The following FBN2 variants were observed in gnomAD, a reference collection of about 807,000 sequenced individuals.
FBN2 encodes the protein fibrillin 2, also known as fibrillin-2.
Under a neutral mutation model 355.6 loss-of-function variants are expected in FBN2, and 105 were observed. The ratio of observed to expected loss-of-function variants is 0.30; its 90% confidence interval spans 0.25 to 0.35. FBN2 has a LOEUF of 0.35. Ranked by LOEUF, FBN2 falls within the 10% of genes least tolerant of loss-of-function variation. FBN2 has a pLI of 1.00. For synonymous variants in FBN2, 1,350 were observed against 1,301.2 expected, an observed-to-expected ratio of 1.04 and a Z score of -0.81; for missense variants, 3,280 against 3,758.7, an observed-to-expected ratio of 0.87 and a Z score of 3.33.
chr5:128,423,070 G>T (rs1415736748), intron 7 of FBN2, among the ~76,000 whole-genome samples: 1 of 152,120 alleles, frequency 6.6e-6, no homozygotes. Flanking sequence ...AATATGGTGA[G>T]ATAAATTCTA....
chr5:128,531,720 G>GTA (rs1220360480), intron 2 of FBN2, among the ~76,000 whole-genome samples: 2,373 of 143,112 alleles, frequency 0.017, 52 homozygotes, highest in African/African-American at 0.05. Flanking sequence ...ATATGTATGT[G>GTA]TGTATATATA....
intron 34 of FBN2, among the ~76,000 whole-genome samples, chr5:128,322,908 G>T (rs1332300758): frequency 6.6e-6 from 1 of 152,150 alleles, no homozygotes; most frequent in Non-Finnish European, 1.5e-5. Context: ...CATGAGCATG[G>T]AATGTTTTTC....
intron 7 of FBN2, among the ~76,000 whole-genome samples, chr5:128,438,218 C>G (rs958711335): frequency 2.6e-4 from 39 of 152,354 alleles, no homozygotes; most frequent in African/African-American, 8.7e-4. Flanking sequence ...TCTCAAACTT[C>G]CGGGCCTCAA....
At chr5:128,441,018 T>C (rs1753903516) in intron 7 of FBN2, among the ~76,000 whole-genome samples, 1 of 152,164 alleles carries the variant, frequency 6.6e-6, no homozygotes, top group Non-Finnish European at 1.5e-5. Flanking sequence ...AACTGCCAGG[T>C]CATACATCTG....
chr5:128,508,013 T>A (rs141277512), intron 5 of FBN2, among the ~76,000 whole-genome samples: 5 of 152,028 alleles, frequency 3.3e-5, no homozygotes, highest in Non-Finnish European at 7.4e-5. Context: ...TTTATTATTA[T>A]GAAATGGCCT....
Position 128,392,132 on chromosome 5 carries a change from T to C in FBN2, c.1489A>G (p.Ile497Val). The change falls in exon 11 of 65, where the codon ATC becomes GTC. Residue 497 changes from isoleucine to valine, a missense_variant. By Grantham distance (29) the Ile-to-Val change is conservative. Coordinates refer to ENST00000262464, the MANE Select transcript of FBN2 (RefSeq NM_001999.4). ...GLTILNQTID[I>V]CKHHANLCLN... ...CAAAGGTTAGCATGATGCTTACAGA[T>C]ATCTATTGTCTGGTTCAGAATTGCT... 6.2e-7 allele frequency: 1 copy of C among 1,613,652 alleles called. No individual in the cohort carries two copies. Among genetic ancestry groups the C allele is most frequent in the Non-Finnish European group, 8.5e-7 (1 of 1,179,668 alleles).
intron 18 of FBN2, among the ~76,000 whole-genome samples, chr5:128,363,188 C>T (rs1751682188): frequency 6.6e-6 from 1 of 151,704 alleles, no homozygotes; most frequent in African/African-American, 2.4e-5. Context: ...CCTTCCCTTC[C>T]TTTTCTCTTT....
chr5:128,435,840 A>ATT (rs1753756151), intron 7 of FBN2, among the ~76,000 whole-genome samples: 1 of 152,226 alleles, frequency 6.6e-6, no homozygotes, highest in South Asian at 2.1e-4. Context: ...CACATGCCAA[A>ATT]GATTACCTTT....
chr5:128,330,743 G>T, intron 32 of FBN2, 48 bp from the exon 33 acceptor site: 1 of 1,603,840 alleles, frequency 6.2e-7, no homozygotes, highest in South Asian at 1.1e-5. Flanking sequence ...GAACATTTAA[G>T]CACCTGGAAA....
intron 5 of FBN2, among the ~76,000 whole-genome samples, chr5:128,475,032 C>A (rs1754973523): frequency 6.6e-6 from 1 of 152,164 alleles, no homozygotes. Context: ...CAGTGATAAT[C>A]AAGTGACCCT....
At chr5:128,366,337 G>A (rs375017632) in intron 17 of FBN2, 40 bp downstream of exon 17, 8 of 1,082,074 alleles carry the variant, frequency 7.4e-6, no homozygotes, top group African/African-American at 1.5e-5. Context: ...ATACGATTAT[G>A]TCACGTGATT....
At chr5:128,465,676 T>C (rs1267658308) in intron 5 of FBN2, among the ~76,000 whole-genome samples, 2 of 152,244 alleles carry the variant, frequency 1.3e-5, no homozygotes, top group Non-Finnish European at 2.9e-5. Flanking sequence ...TAGTATTATA[T>C]GATCGCTCCT....
intron 7 of FBN2, among the ~76,000 whole-genome samples, chr5:128,439,597 G>C (rs1223594036): frequency 6.6e-6 from 1 of 151,900 alleles, no homozygotes; most frequent in Non-Finnish European, 1.5e-5. Context: ...TTTTCTTACT[G>C]ATTTGTGGAA....
At chr5:128,442,821 G>A (rs1256829418) in intron 7 of FBN2, among the ~76,000 whole-genome samples, 2 of 151,960 alleles carry the variant, frequency 1.3e-5, no homozygotes, top group Non-Finnish European at 2.9e-5. Flanking sequence ...ATTTCTTTCT[G>A]CTTTGGGTTC....
At chr5:128,374,809 G>A (rs1225664350) in intron 14 of FBN2, 59 bp from the exon 15 acceptor site, 4 of 1,596,538 alleles carry the variant, frequency 2.5e-6, no homozygotes, top group Non-Finnish European at 3.4e-6. Context: ...TTATTACAGG[G>A]TTTACTTGCA....
At chr5:128,394,818 C>G (rs1752603740) in intron 9 of FBN2, among the ~76,000 whole-genome samples, 1 of 152,146 alleles carries the variant, frequency 6.6e-6, no homozygotes, top group Admixed American at 6.5e-5. Flanking sequence ...CAGGGTCTCG[C>G]TCTGTCACTC....
At position 128,290,760 on chromosome 5, in the gene FBN2, G is replaced by A; in HGVS notation, c.6417C>T (p.Pro2139=). Residue 2139 remains proline, a synonymous_variant, in exon 50 of 65, where the codon CCC becomes CCT. Coordinates refer to ENST00000262464, the MANE Select transcript of FBN2 (RefSeq NM_001999.4). ...SKMPGEGWGD[P]CELCPKDDEV... ...CATCGTCTTTGGGGCACAGCTCACA[G>A]GGGTCCCCCCAGCCCTCTCCTGGCA... 1 of 1,614,134 alleles carries A rather than the reference G, an allele frequency of 6.2e-7. No homozygotes were observed. Among genetic ancestry groups the A allele is most frequent in the Non-Finnish European group, 8.5e-7 (1 of 1,179,978 alleles).
At position 128,307,137 on chromosome 5, in the gene FBN2, A is replaced by G; in HGVS notation, c.5420T>C (p.Val1807Ala). 1 of 1,600,514 alleles carries G rather than the reference A, an allele frequency of 6.2e-7. No homozygotes were observed. The highest frequency in any genetic ancestry group is 1.1e-5 in the South Asian group (1 of 90,788). The change falls in exon 42 of 65, where the codon GTT becomes GCT. Residue 1807 changes from valine to alanine, a missense_variant and splice_region_variant. Coordinates refer to ENST00000262464, the MANE Select transcript of FBN2 (RefSeq NM_001999.4). The stretch of plus-strand genomic sequence containing the variant: ...AAACATAATCTGGAAAAACTCACCA[A>G]CAGCTTTTCCTGTGTGAATGTCAAA... The part of the protein sequence containing the change: ...FTFDIHTGKA[V>A]DIDECKEIPG...
intron 55 of FBN2, 34 bp downstream of exon 55, chr5:128,286,684 A>G (rs757092833): frequency 1.9e-6 from 3 of 1,613,466 alleles, no homozygotes; most frequent in Non-Finnish European, 2.5e-6. Flanking sequence ...GAGTGGAGGC[A>G]TTACATAAGC....
Sources: gnomAD v4.1 joint callset for allele counts (sites outside exome capture counted in the v4.1 genomes callset) on GRCh38, gnomAD v4.1.1 for gene constraint, MANE v1.5 for transcripts, NCBI Gene and HGNC (gene_info 2026-07-23, HGNC 2026-07-21) for gene names.